Variants in KIF26B observed in about 807,000 individuals in gnomAD.
KIF26B encodes kinesin-like protein KIF26B.
KIF26B carries 63 observed loss-of-function variants against 151.2 expected under a neutral mutation model. The ratio of observed to expected loss-of-function variants is 0.42; its 90% confidence interval spans 0.34 to 0.51. The LOEUF is 0.51. Among genes scored for constraint, KIF26B ranks in the 20% least tolerant of loss-of-function variants. KIF26B has a pLI of 0.07. For synonymous variants in KIF26B, 1,357 were observed against 1,262.1 expected (o/e 1.08, Z -1.59); for missense variants, 2,813 against 2,913.6 (o/e 0.97, Z 0.79).
rs1197077449 is a variant in KIF26B at position 245,586,835 on chromosome 1, G to A, written c.1351-15742G>A. Among the ~76,000 whole-genome samples, 5 of 150,786 alleles carry A rather than the reference G, an allele frequency of 3.3e-5. No homozygotes were observed. In the South Asian group the frequency reaches 6.3e-4, roughly 19 times the overall value. On this transcript the variant is annotated intron_variant, in intron 5 of 14. Coordinates refer to ENST00000407071, the MANE Select transcript of KIF26B (RefSeq NM_018012.4). ...CGGGAAGCGGAGCTTGCAGTGAGCC[G>A]AGATTGCGCCACTGCAGTCCGCAGT...
chr1:245,642,916 G>T (rs2103182793), intron 9 of KIF26B, among the ~76,000 whole-genome samples: 1 of 152,276 alleles, frequency 6.6e-6, no homozygotes, highest in South Asian at 2.1e-4. Context: ...TTCCCAGGAG[G>T]ACACTGCATC....
At chr1:245,255,771 A>G (rs180710718) in intron 2 of KIF26B, among the ~76,000 whole-genome samples, 68 of 152,356 alleles carry the variant, frequency 4.5e-4, no homozygotes, top group African/African-American at 1.6e-3. Context: ...AAAACCATTT[A>G]AGAAAATCTG....
chr1:245,213,229 G>A (rs1012263804), intron 2 of KIF26B, among the ~76,000 whole-genome samples: 1 of 152,306 alleles, frequency 6.6e-6, no homozygotes, highest in Non-Finnish European at 1.5e-5. Context: ...AACCCCAAAA[G>A]ACAGACTCTC....
At chr1:245,454,043 C>T (rs76049654) in intron 4 of KIF26B, among the ~76,000 whole-genome samples, 2,470 of 152,198 alleles carry the variant, frequency 0.016, 71 homozygotes, top group African/African-American at 0.055. Flanking sequence ...AAATAAGAAG[C>T]GTGGAAGCTG....
intron 4 of KIF26B, among the ~76,000 whole-genome samples, chr1:245,456,427 A>C (rs1659518505): frequency 6.6e-6 from 1 of 152,216 alleles, no homozygotes; most frequent in Middle Eastern, 3.2e-3. Flanking sequence ...ACAATGCCAA[A>C]TTCTACACCA....
chr1:245,348,812 C>T lies in KIF26B; in HGVS notation c.466-18022C>T, dbSNP rs145648562. ...TGCTGTTCCCAGTTACGCCAACTCG[C>T]CCCCACCCAGTCCTTCATGTCTGCC... On this transcript the variant is annotated intron_variant, in intron 2 of 14. Transcript: ENST00000407071. Among the ~76,000 whole-genome samples, 1,158 of 152,282 alleles carry T rather than the reference C, an allele frequency of 7.6e-3. 19 individuals carry two copies. The highest frequency in any genetic ancestry group is 6.5e-3 in the Non-Finnish European group (443 of 68,006).
chr1:245,260,711 C>G (rs1256241753), intron 2 of KIF26B, among the ~76,000 whole-genome samples: 1 of 152,166 alleles, frequency 6.6e-6, no homozygotes, highest in African/African-American at 2.4e-5. Context: ...GTCATGCTGG[C>G]ATCTGTGTCT....
intron 2 of KIF26B, among the ~76,000 whole-genome samples, chr1:245,283,324 C>A (rs1671099381): frequency 6.6e-6 from 1 of 152,146 alleles, no homozygotes; most frequent in Non-Finnish European, 1.5e-5. Context: ...CCACCTCAAG[C>A]CCAATCCGCC....
intron 2 of KIF26B, among the ~76,000 whole-genome samples, chr1:245,208,736 C>T (rs1367132485): frequency 6.6e-6 from 1 of 152,116 alleles, no homozygotes; most frequent in Non-Finnish European, 1.5e-5. Context: ...AGGTAAGATT[C>T]AGGGGAGGGT....
At chr1:245,207,810 T>C (rs1669436758) in intron 2 of KIF26B, among the ~76,000 whole-genome samples, 1 of 152,208 alleles carries the variant, frequency 6.6e-6, no homozygotes, top group African/African-American at 2.4e-5. Flanking sequence ...ATCATCCTTT[T>C]TGGTAAAGAG....
chr1:245,425,445 C>T (rs1212456433), intron 4 of KIF26B, among the ~76,000 whole-genome samples: 3 of 152,078 alleles, frequency 2.0e-5, no homozygotes, highest in Admixed American at 1.3e-4. Context: ...CTCGCTCTGT[C>T]GCCCAGGCTG....
chr1:245,675,753 A>C (rs1281371249), intron 10 of KIF26B, among the ~76,000 whole-genome samples: 1 of 152,148 alleles, frequency 6.6e-6, no homozygotes. Context: ...ACTGCCATGC[A>C]GAAGTGGCCT....
intron 2 of KIF26B, among the ~76,000 whole-genome samples, chr1:245,231,441 G>A (rs535520617): frequency 6.6e-6 from 1 of 152,202 alleles, no homozygotes; most frequent in East Asian, 1.9e-4. Flanking sequence ...GCTTGATCCC[G>A]GGAGGTGGAG....
chr1:245,674,118 C>T (rs1003090982), intron 10 of KIF26B, among the ~76,000 whole-genome samples: 2 of 152,136 alleles, frequency 1.3e-5, no homozygotes, highest in Non-Finnish European at 2.9e-5. Flanking sequence ...ACAATGAGCT[C>T]ATCTTGACTC....
chr1:245,473,657 G>C lies in KIF26B; in HGVS notation c.1166+53912G>C, dbSNP rs1659965593. The stretch of plus-strand genomic sequence containing the variant: ...ACTGTTATTATGATCTTGGTATATA[G>C]CTCTAAATACTTTCAAAAATATACT... On this transcript the variant is annotated intron_variant, in intron 4 of 14. Coordinates refer to ENST00000407071, the MANE Select transcript of KIF26B (RefSeq NM_018012.4). Among the ~76,000 whole-genome samples the C allele has an allele frequency of 2.0e-5, 3 of 152,040 alleles. 1 individual carries two copies. The South Asian group carries it at 6.3e-4, about 32-fold the overall frequency.
intron 4 of KIF26B, among the ~76,000 whole-genome samples, chr1:245,473,172 G>A (rs1040250785): frequency 6.6e-6 from 1 of 152,248 alleles, no homozygotes; most frequent in African/African-American, 2.4e-5. Flanking sequence ...TGAGGGAGCA[G>A]GTGTGGATCA....
At chr1:245,467,155 G>A (rs1167955787) in intron 4 of KIF26B, among the ~76,000 whole-genome samples, 1 of 152,144 alleles carries the variant, frequency 6.6e-6, no homozygotes, top group Non-Finnish European at 1.5e-5. Context: ...TGGAACTGAG[G>A]ATTCACCTAG....
intron 9 of KIF26B, among the ~76,000 whole-genome samples, chr1:245,637,813 G>C (rs2043851375): frequency 6.6e-6 from 1 of 151,924 alleles, no homozygotes; most frequent in African/African-American, 2.4e-5. Flanking sequence ...TTGGCTGTAA[G>C]TGCATAGATT....
At chr1:245,473,582 G>A (rs1208563078) in intron 4 of KIF26B, among the ~76,000 whole-genome samples, 2 of 149,810 alleles carry the variant, frequency 1.3e-5, no homozygotes, top group Non-Finnish European at 3.0e-5. Flanking sequence ...GGTTGGGGGA[G>A]AAAGGAAGAA....
Sources: gnomAD v4.1 joint callset for allele counts (sites outside exome capture counted in the v4.1 genomes callset) on GRCh38, gnomAD v4.1.1 for gene constraint, MANE v1.5 for transcripts, NCBI Gene and HGNC (gene_info 2026-07-23, HGNC 2026-07-21) for gene names.